The following CLEC12A variants were observed in gnomAD, a reference collection of about 807,000 sequenced individuals.
CLEC12A encodes the protein C-type lectin protein CLL-1.
Under a neutral mutation model 26.5 loss-of-function variants are expected in CLEC12A, and 22 were observed. The observed-to-expected ratio is 0.83, with a 90% CI of 0.59 to 1.19. CLEC12A has a LOEUF of 1.19. CLEC12A is among the 50% of genes most tolerant of loss of function. The pLI is 0.00. For missense variants in CLEC12A, 353 were observed against 315.6 expected (o/e 1.12, Z -0.90); for synonymous variants, 119 against 101.9 (o/e 1.17, Z -1.01).
chr12:9,967,823 G>T (rs1274839703), upstream of CLEC12A, among the ~76,000 whole-genome samples: 2 of 152,154 alleles, frequency 1.3e-5, no homozygotes, highest in Admixed American at 6.5e-5. Context: ...AGCAGTACTT[G>T]TCGCTAAGGG....
chr12:9,993,792 T>C (rs2137231689), intron 4 of CLEC12A, among the ~76,000 whole-genome samples: 1 of 152,260 alleles, frequency 6.6e-6, no homozygotes, highest in South Asian at 2.1e-4. Flanking sequence ...ATTGTAATTG[T>C]CTGTTAAGTT....
chr12:9,996,460 G>T (rs764287296), downstream of CLEC12A, among the ~76,000 whole-genome samples: 35 of 152,262 alleles, frequency 2.3e-4, no homozygotes, highest in Non-Finnish European at 4.0e-4. Flanking sequence ...GGAGTGGAAA[G>T]AAAAGCTAAT....
upstream of CLEC12A, among the ~76,000 whole-genome samples, chr12:9,968,076 G>C (rs1358103634): frequency 6.6e-6 from 1 of 152,118 alleles, no homozygotes; most frequent in Non-Finnish European, 1.5e-5. Flanking sequence ...AGAGGTTGAG[G>C]GATAGTGAGA....
At chr12:9,953,606 C>G (rs1366235918) in intron 1 of CLEC12A, among the ~76,000 whole-genome samples, 6 of 151,190 alleles carry the variant, frequency 4.0e-5, no homozygotes, top group Non-Finnish European at 7.4e-5. Flanking sequence ...GCCCCCTGCC[C>G]GGCCAGCCGC....
chr12:9,994,449 A>G (rs1485024514), intron 4 of CLEC12A, among the ~76,000 whole-genome samples: 1 of 152,170 alleles, frequency 6.6e-6, no homozygotes, highest in East Asian at 1.9e-4. Flanking sequence ...ATCAGATTAT[A>G]TAAGTTTTGG....
At chr12:9,962,628 A>C (rs1863854274) in intron 1 of CLEC12A, among the ~76,000 whole-genome samples, 1 of 152,168 alleles carries the variant, frequency 6.6e-6, no homozygotes, top group Admixed American at 6.5e-5. Flanking sequence ...TCTGGCGGAC[A>C]GGAGTGGGGG....
At chr12:9,958,375 A>G (rs1459556809) in intron 1 of CLEC12A, among the ~76,000 whole-genome samples, 1 of 152,208 alleles carries the variant, frequency 6.6e-6, no homozygotes, top group African/African-American at 2.4e-5. Flanking sequence ...AAACACTGTG[A>G]GAACTATTTA....
chr12:9,979,320 T>A lies in CLEC12A; in HGVS notation c.191-16T>A, dbSNP rs1864458709. The A allele has an allele frequency of 1.3e-6, 2 of 1,544,014 alleles. No homozygotes were observed. The highest frequency in any genetic ancestry group is 8.8e-7 in the Non-Finnish European group (1 of 1,136,354). On this transcript the variant is annotated splice_polypyrimidine_tract_variant and intron_variant, in intron 2 of 5. Coordinates refer to ENST00000304361, the MANE Select transcript of CLEC12A (RefSeq NM_138337.6). ...ATTGAGAATTTACAATTTTTTGTCA[T>A]TTTTTTAATGTGGAGTTCACGTAAC...
chr12:9,957,174 T>A (rs531116000), intron 1 of CLEC12A, among the ~76,000 whole-genome samples: 355 of 152,102 alleles, frequency 2.3e-3, no homozygotes, highest in Non-Finnish European at 4.3e-3. Context: ...AGGGCAGATA[T>A]TGGGGAAAGA....
At chr12:9,995,083 A>C in exon 5 of CLEC12A, 1 of 1,603,546 alleles carries the variant, frequency 6.2e-7, no homozygotes, top group Non-Finnish European at 8.5e-7. Flanking sequence ...AGAAGAGGGA[A>C]TCTCAAGAAT....
chr12:9,977,077 A>G (rs1341772417), intron 1 of CLEC12A, among the ~76,000 whole-genome samples: 1 of 152,194 alleles, frequency 6.6e-6, no homozygotes, highest in Non-Finnish European at 1.5e-5. Flanking sequence ...ATGGACTAAT[A>G]CACATGCTAA....
intron 5 of CLEC12A, chr12:9,984,266 T>G (rs1864682755): frequency 6.6e-6 from 1 of 152,496 alleles, no homozygotes; most frequent in Non-Finnish European, 1.5e-5. Flanking sequence ...TACTGGTTGA[T>G]ATCATTATTT....
chr12:9,982,278 C>G (rs772774473), intron 5 of CLEC12A, 149 bp downstream of exon 5: 24 of 573,326 alleles, frequency 4.2e-5, no homozygotes, highest in Non-Finnish European at 6.7e-5. Flanking sequence ...GATGTATTTT[C>G]TAATACATAA....
chr12:9,951,378 C>T (rs763300840), intron 1 of CLEC12A: 8 of 702,704 alleles, frequency 1.1e-5, no homozygotes, highest in Middle Eastern at 2.3e-4. Context: ...TTGTGGATAC[C>T]GACAGTGGGA....
chr12:9,968,118 T>G (rs988781837), upstream of CLEC12A, among the ~76,000 whole-genome samples: 1 of 152,122 alleles, frequency 6.6e-6, no homozygotes, highest in African/African-American at 2.4e-5. Flanking sequence ...AAGAGGCCAC[T>G]TACTGGATTT....
downstream of CLEC12A, among the ~76,000 whole-genome samples, chr12:9,986,416 C>G (rs1475476504): frequency 3.7e-5 from 1 of 27,310 alleles, no homozygotes; most frequent in East Asian, 2.3e-3. Flanking sequence ...TTCCTTTATC[C>G]CCCCCCCCCT....
the CLEC12A span, among the ~76,000 whole-genome samples, chr12:10,005,692 C>T: frequency 6.6e-6 from 1 of 152,184 alleles, no homozygotes; most frequent in Non-Finnish European, 1.5e-5. Context: ...TTATGCTGGT[C>T]AGGTATATTC....
chr12:9,993,396 G>GAA (rs1210022004), intron 4 of CLEC12A: 24 of 313,074 alleles, frequency 7.7e-5, no homozygotes, highest in Non-Finnish European at 1.0e-4. Flanking sequence ...AGGAAAATAG[G>GAA]AAAAAAAAAC....
At chr12:9,984,619 A>G (rs1444923960) in intron 5 of CLEC12A, among the ~76,000 whole-genome samples, 1 of 152,220 alleles carries the variant, frequency 6.6e-6, no homozygotes, top group African/African-American at 2.4e-5. Context: ...CTCTGTAAGC[A>G]AAGGACAGCA....
Sources: allele counts gnomAD v4.1 joint callset (sites outside exome capture counted in the v4.1 genomes callset), GRCh38; gene constraint gnomAD v4.1.1; transcripts MANE v1.5; gene names NCBI Gene and HGNC (gene_info 2026-07-23, HGNC 2026-07-21).